The following SLC25A48 variants were observed in gnomAD, a reference collection of about 807,000 sequenced individuals.
SLC25A48 encodes CTC-321K16.1.
Under a neutral mutation model 32.2 loss-of-function variants are expected in SLC25A48, and 29 were observed. That is an observed-to-expected ratio of 0.90 (90% CI 0.67 to 1.23). SLC25A48 has a LOEUF of 1.23. Ranked by LOEUF, SLC25A48 falls within the 50% of genes most tolerant of loss-of-function variation. The pLI is 0.00. For synonymous variants in SLC25A48, 164 were observed against 172.3 expected, an observed-to-expected ratio of 0.95 and a Z score of 0.38; for missense variants, 399 against 422.7, an observed-to-expected ratio of 0.94 and a Z score of 0.49.
intron 3 of SLC25A48, among the ~76,000 whole-genome samples, chr5:135,669,045 G>A (rs1425940011): frequency 6.6e-6 from 1 of 152,128 alleles, no homozygotes; most frequent in Non-Finnish European, 1.5e-5. Context: ...GAGCACTCAG[G>A]ATATGCTAGG....
chr5:135,803,939 T>C (rs2126645174), intron 3 of SLC25A48, among the ~76,000 whole-genome samples: 1 of 151,774 alleles, frequency 6.6e-6, no homozygotes, highest in Admixed American at 6.6e-5. Flanking sequence ...ACGCTGTGTG[T>C]ACACCCACTG....
At chr5:135,836,904 T>C (rs942949389) in intron 1 of SLC25A48, among the ~76,000 whole-genome samples, 11 of 151,828 alleles carry the variant, frequency 7.2e-5, no homozygotes, top group Non-Finnish European at 1.3e-4. Flanking sequence ...TAATTTCATC[T>C]TAACTCTTTC....
At chr5:135,769,039 G>A (rs919289019) in intron 3 of SLC25A48, among the ~76,000 whole-genome samples, 18 of 151,540 alleles carry the variant, frequency 1.2e-4, no homozygotes, top group Non-Finnish European at 2.4e-4. Flanking sequence ...TAATATCCAG[G>A]GGGAAGAGGA....
rs548485195 is a variant in SLC25A48, at chr5:135,601,616, T to C, written c.-849+22019T>C. ...TCCCTTTCCTCCCCAAGCTTTGAAC[T>C]TCCTTACAGCTTTCTCTGGTGGGTC... On this transcript the variant is annotated intron_variant, in intron 1 of 10. Transcript: ENST00000646290. 1.2e-4 allele frequency among the ~76,000 whole-genome samples: 19 copies of C among 152,268 alleles called. No homozygotes were observed. In the South Asian group the frequency reaches 3.3e-3, roughly 27 times the overall value.
At chr5:135,650,362 A>G (rs1252875461) in intron 3 of SLC25A48, 1 of 453,422 alleles carries the variant, frequency 2.2e-6, no homozygotes, top group South Asian at 1.6e-5. Context: ...GGACATTGCC[A>G]GCATTCAAGA....
chr5:135,829,328 G>A (rs1474770062), intron 4 of SLC25A48, among the ~76,000 whole-genome samples: 1 of 152,022 alleles, frequency 6.6e-6, no homozygotes, highest in African/African-American at 2.4e-5. Context: ...CTCCAACCTG[G>A]GCTGCCTGGT....
At chr5:135,677,082 A>C (rs1359813098) in intron 3 of SLC25A48, among the ~76,000 whole-genome samples, 1 of 151,984 alleles carries the variant, frequency 6.6e-6, no homozygotes, top group East Asian at 1.9e-4. Flanking sequence ...TTTGTTTTAG[A>C]GTCTATCTCT....
chr5:135,669,987 T>A (rs190217254), intron 3 of SLC25A48, among the ~76,000 whole-genome samples: 22 of 152,312 alleles, frequency 1.4e-4, no homozygotes, highest in African/African-American at 5.1e-4. Context: ...TTCTTACCCA[T>A]AAACACGCAT....
chr5:135,716,932 A>C (rs1485962624), intron 3 of SLC25A48, among the ~76,000 whole-genome samples: 1 of 152,174 alleles, frequency 6.6e-6, no homozygotes, highest in African/African-American at 2.4e-5. Flanking sequence ...CTTCCCATAA[A>C]ATTTTAATAC....
chr5:135,697,451 G>T (rs1210333032), intron 3 of SLC25A48, among the ~76,000 whole-genome samples: 1 of 152,210 alleles, frequency 6.6e-6, no homozygotes, highest in Non-Finnish European at 1.5e-5. Flanking sequence ...TGAGAGCCAT[G>T]CTGGCTGCGT....
chr5:135,719,127 G>A (rs1676061465), intron 3 of SLC25A48, among the ~76,000 whole-genome samples: 1 of 152,218 alleles, frequency 6.6e-6, no homozygotes, highest in Non-Finnish European at 1.5e-5. Context: ...ACAAGTGCAT[G>A]TGAATCTGCA....
At chr5:135,665,451 T>G (rs945892464) in intron 3 of SLC25A48, among the ~76,000 whole-genome samples, 1 of 152,130 alleles carries the variant, frequency 6.6e-6, no homozygotes, top group Non-Finnish European at 1.5e-5. Context: ...TATTTATTTT[T>G]GTTTATTTTA....
chr5:135,788,147 G>A lies in SLC25A48; in HGVS notation c.-520-24376G>A, dbSNP rs1045816548. Among the ~76,000 whole-genome samples the A allele has an allele frequency of 2.0e-5, 3 of 151,966 alleles. No individual in the cohort carries two copies. In the South Asian group the frequency reaches 6.2e-4, roughly 32 times the overall value. ...AGGGGTGTACATTCCCCTGGCATAT[G>A]GTCCGTAATGTCCGGGGTGGGGGGA... is the stretch of plus-strand genomic sequence containing the variant. On this transcript the variant is annotated intron_variant, in intron 3 of 10. Coordinates refer to the SLC25A48 transcript ENST00000646290.
chr5:135,760,333 A>C (rs887143076), intron 3 of SLC25A48, among the ~76,000 whole-genome samples: 1 of 152,056 alleles, frequency 6.6e-6, no homozygotes, highest in African/African-American at 2.4e-5. Flanking sequence ...AACAGATCCC[A>C]CTCAGGTGTG....
chr5:135,743,779 C>T (rs1169297861), intron 3 of SLC25A48, among the ~76,000 whole-genome samples: 1 of 152,216 alleles, frequency 6.6e-6, no homozygotes, highest in African/African-American at 2.4e-5. Context: ...GCATCTCCAT[C>T]GTGGGATGAC....
In SLC25A48 at chr5:135,852,558, T is replaced by A; in HGVS notation, c.163-5T>A. 6.3e-7 allele frequency: 1 copy of A among 1,589,894 alleles called. No homozygotes were observed. The highest frequency in any genetic ancestry group is 8.6e-7 in the Non-Finnish European group (1 of 1,161,382). ...CACGCCTCTTCCTTCTGGTTTTCAC[T>A]GCAGATGTTCGGCTTCTTCAAGGGC... On this transcript the variant is annotated splice_polypyrimidine_tract_variant and splice_region_variant and intron_variant, in intron 3 of 7. Transcript: ENST00000681962.
At chr5:135,725,964 CA>C (rs1755079273) in intron 3 of SLC25A48, among the ~76,000 whole-genome samples, 1 of 152,160 alleles carries the variant, frequency 6.6e-6, no homozygotes, top group Non-Finnish European at 1.5e-5. Flanking sequence ...CCATTAATGC[CA>C]GGGGAGACAG....
chr5:135,712,062 T>C (rs1754680722), intron 3 of SLC25A48, among the ~76,000 whole-genome samples: 1 of 152,204 alleles, frequency 6.6e-6, no homozygotes, highest in South Asian at 2.1e-4. Context: ...GAATTGTCGA[T>C]GATTTTCTAA....
chr5:135,587,753 G>A (rs1751403688), intron 1 of SLC25A48, among the ~76,000 whole-genome samples: 1 of 152,184 alleles, frequency 6.6e-6, no homozygotes, highest in African/African-American at 2.4e-5. Context: ...TCTTAACGGT[G>A]AGCGATTTAA....
Sources: allele counts gnomAD v4.1 joint callset (sites outside exome capture counted in the v4.1 genomes callset), GRCh38; gene constraint gnomAD v4.1.1; transcripts MANE v1.5; gene names NCBI Gene and HGNC (gene_info 2026-07-23, HGNC 2026-07-21).